DDX10: variants seen among roughly 807,000 people sequenced by gnomAD.
DDX10 encodes probable ATP-dependent RNA helicase DDX10.
DDX10 carries 74 observed loss-of-function variants against 104.3 expected under a neutral mutation model. That is an observed-to-expected ratio of 0.71 (90% CI 0.59 to 0.86). The LOEUF (loss-of-function observed/expected upper bound fraction) is 0.86, where lower values mean the gene tolerates loss of function less well. DDX10 is among the 40% of genes least tolerant of loss of function. DDX10 has a pLI of 0.00. For missense variants in DDX10, 952 were observed against 1,040.0 expected (o/e 0.92, Z 1.16); for synonymous variants, 351 against 353.4 (o/e 0.99, Z 0.08).
intron 17 of DDX10, among the ~76,000 whole-genome samples, chr11:108,929,299 T>A (rs1178133215): frequency 2.0e-5 from 3 of 151,490 alleles, no homozygotes; most frequent in Non-Finnish European, 4.4e-5. Context: ...ATTGGGAGAG[T>A]TCACTTTAGC....
At chr11:108,774,118 A>G (rs922894538) in intron 13 of DDX10, among the ~76,000 whole-genome samples, 3 of 152,234 alleles carry the variant, frequency 2.0e-5, no homozygotes, top group Non-Finnish European at 4.4e-5. Flanking sequence ...AAGAGAAATC[A>G]GGCTTGTTGT....
At chr11:108,896,301 C>A (rs1032420953) in intron 16 of DDX10, among the ~76,000 whole-genome samples, 1 of 151,874 alleles carries the variant, frequency 6.6e-6, no homozygotes, top group Admixed American at 6.6e-5. Flanking sequence ...TCTCTGTAGC[C>A]CCTTAATGGT....
intron 16 of DDX10, among the ~76,000 whole-genome samples, chr11:108,915,509 A>T (rs929574878): frequency 6.6e-6 from 1 of 151,918 alleles, no homozygotes; most frequent in Non-Finnish European, 1.5e-5. Context: ...TGTGACTTTA[A>T]AAAAATTATA....
intron 15 of DDX10, among the ~76,000 whole-genome samples, chr11:108,848,936 G>A (rs1407384279): frequency 6.6e-6 from 1 of 152,082 alleles, no homozygotes; most frequent in African/African-American, 2.4e-5. Context: ...CCTACCATGT[G>A]GCTCGGTAAA....
intron 13 of DDX10, among the ~76,000 whole-genome samples, chr11:108,791,000 CTTTA>C (rs1861863162): frequency 6.6e-6 from 1 of 152,192 alleles, no homozygotes; most frequent in Non-Finnish European, 1.5e-5. Context: ...ACACATTCTA[CTTTA>C]TAATGTGGTT....
At chr11:108,723,588 T>C in intron 13 of DDX10, 126 bp downstream of exon 13, 2 of 885,868 alleles carry the variant, frequency 2.3e-6, no homozygotes, top group Non-Finnish European at 3.3e-6. Context: ...CAATGAACTC[T>C]TCCTCCTTTC....
At chr11:108,667,702 A>ATCCTGGTACTTGATGTT (rs1287032262) in intron 1 of DDX10, among the ~76,000 whole-genome samples, 1 of 152,188 alleles carries the variant, frequency 6.6e-6, no homozygotes. Flanking sequence ...TGTGCTTCTC[A>ATCCTGGTACTTGATGTT]TCCTGGTACT....
intron 13 of DDX10, among the ~76,000 whole-genome samples, chr11:108,802,172 G>A (rs1591822079): frequency 1.3e-5 from 2 of 152,054 alleles, no homozygotes; most frequent in East Asian, 1.9e-4. Flanking sequence ...GGGACCAGAA[G>A]TGCTTTGGGT....
chr11:108,694,773 T>A lies in DDX10; in HGVS notation c.1223+1173T>A, dbSNP rs1208888182. 2.0e-5 allele frequency among the ~76,000 whole-genome samples: 3 copies of A among 151,934 alleles called. No individual in the cohort carries two copies. In the East Asian group the frequency reaches 5.8e-4, roughly 29 times the overall value. Reference sequence around the variant, plus strand: ...GTGTGCGCCTGTAGTCTCAGCTCCTTGGGAGGCTGAGGCAGGAGAATCACG... The same window carrying A: ...GTGTGCGCCTGTAGTCTCAGCTCCTAGGGAGGCTGAGGCAGGAGAATCACG... On this transcript the variant is annotated intron_variant, in intron 9 of 17. Coordinates refer to ENST00000322536, the MANE Select transcript of DDX10 (RefSeq NM_004398.4).
intron 17 of DDX10, among the ~76,000 whole-genome samples, chr11:108,931,207 C>G (rs1863972071): frequency 6.6e-6 from 1 of 152,218 alleles, no homozygotes; most frequent in Non-Finnish European, 1.5e-5. Flanking sequence ...CCAATATAAT[C>G]CAGTTAACAT....
chr11:108,876,592 T>A (rs2134628221), intron 16 of DDX10, among the ~76,000 whole-genome samples: 1 of 152,330 alleles, frequency 6.6e-6, no homozygotes, highest in Middle Eastern at 3.4e-3. Context: ...AGTTCTGTGA[T>A]CTTGAACAAG....
intron 1 of DDX10, among the ~76,000 whole-genome samples, chr11:108,672,350 T>G (rs921872211): frequency 3.3e-5 from 5 of 152,094 alleles, no homozygotes; most frequent in Admixed American, 6.5e-5. Flanking sequence ...AGTGCTAGAG[T>G]GAGCTACACC....
chr11:108,713,271 G>A (rs2094286885), intron 10 of DDX10, among the ~76,000 whole-genome samples: 1 of 152,046 alleles, frequency 6.6e-6, no homozygotes, highest in Admixed American at 6.6e-5. Flanking sequence ...ACTGTTTGAA[G>A]CATTGCTTCT....
rs145636414 is a variant in DDX10, at chr11:108,723,031, T to G, written c.1534T>G (p.Phe512Val). 2 of 1,611,476 alleles carry G rather than the reference T, an allele frequency of 1.2e-6. No homozygotes were observed. The highest frequency in any genetic ancestry group is 2.7e-5 in the African/African-American group (2 of 74,628). Residue 512 changes from phenylalanine (F) to valine (V), a missense_variant, in exon 13 of 18, where the codon TTT becomes GTT. Phe to Val is a conservative substitution (Grantham distance 50). This residue lies in a region of DDX10 where 533 missense variants were observed against 534.1 expected (regional missense o/e 1.00). Transcript: ENST00000322536. ...LGLAVAPRVR[F>V]LQKMQKQPTK... ...TCTTGCTGTGGCACCACGCGTAAGA[T>G]TTCTTCAGAAAATGCAGAAACAACC...
intron 13 of DDX10, among the ~76,000 whole-genome samples, chr11:108,770,361 T>C (rs1205132856): frequency 6.6e-6 from 1 of 152,212 alleles, no homozygotes; most frequent in Non-Finnish European, 1.5e-5. Context: ...CACCCTATTA[T>C]GCTATCAAAT....
chr11:108,827,988 A>G (rs1256248088), intron 13 of DDX10, among the ~76,000 whole-genome samples: 1 of 152,198 alleles, frequency 6.6e-6, no homozygotes, highest in Non-Finnish European at 1.5e-5. Flanking sequence ...TGTTAAGTGC[A>G]TTCACATTGA....
intron 16 of DDX10, among the ~76,000 whole-genome samples, chr11:108,856,982 A>G (rs1274938636): frequency 6.6e-6 from 1 of 152,136 alleles, no homozygotes; most frequent in Non-Finnish European, 1.5e-5. Flanking sequence ...TTTATTTGAA[A>G]TATTGTTTTC....
Position 108,781,369 on chromosome 11 carries a change from G to A in DDX10, c.1966-57077G>A, listed in dbSNP as rs546148521. Among the ~76,000 whole-genome samples the A allele has an allele frequency of 7.9e-5, 12 of 152,258 alleles. No homozygotes were observed. In the South Asian group the frequency reaches 2.5e-3, roughly 32 times the overall value. ...TCATGAATAGCATGGCATTGAACAT[G>A]TGAGTGCATGTGTCTTTTTGGTATA... On this transcript the variant is annotated intron_variant, in intron 13 of 17. Transcript: ENST00000322536.
intron 13 of DDX10, among the ~76,000 whole-genome samples, chr11:108,812,087 A>G (rs1033320743): frequency 3.3e-5 from 5 of 152,180 alleles, no homozygotes; most frequent in Admixed American, 6.5e-5. Context: ...TAGGAAAAGT[A>G]TTGATAACTT....
Sources: allele counts gnomAD v4.1 joint callset (sites outside exome capture counted in the v4.1 genomes callset), GRCh38; gene constraint gnomAD v4.1.1; regional missense constraint gnomAD v4.1.1; transcripts MANE v1.5; gene names NCBI Gene and HGNC (gene_info 2026-07-23, HGNC 2026-07-21).